RNF213: variants seen among roughly 807,000 people sequenced by gnomAD.
RNF213 encodes ring finger protein 213.
RNF213 carries 341 observed loss-of-function variants against 514.4 expected under a neutral mutation model. The ratio of observed to expected loss-of-function variants is 0.66; its 90% CI spans 0.61 to 0.73. RNF213 has a LOEUF of 0.73. Among genes scored for constraint, RNF213 ranks in the 30% least tolerant of loss-of-function variants. RNF213 has a pLI of 0.00. For synonymous variants in RNF213, 2,655 were observed against 2,658.2 expected (o/e 1.00, Z 0.04); for missense variants, 5,767 against 6,615.6 (o/e 0.87, Z 4.45).
intron 58 of RNF213, 87 bp from the exon 59 acceptor site, chr17:80,383,590 C>T: frequency 7.2e-7 from 1 of 1,395,468 alleles, no homozygotes; most frequent in South Asian, 1.2e-5. Flanking sequence ...AATATGCAGA[C>T]ACCCACTGGT....
In RNF213 at chr17:80,340,062, C is replaced by A; in HGVS notation, c.5695C>A (p.Gln1899Lys). The A allele has an allele frequency of 6.3e-7, 1 of 1,577,206 alleles. No individual in the cohort carries two copies. The highest frequency in any genetic ancestry group is 8.6e-7 in the Non-Finnish European group (1 of 1,165,402). The change falls in exon 26 of 68, where the codon CAG becomes AAG. Residue 1899 changes from glutamine (Q) to lysine (K), a missense_variant. Around this residue, in one of 13 missense-constraint regions of RNF213, gnomAD observed 1,377 missense variants for 1,635.2 expected, o/e 0.84. Transcript: ENST00000582970. ...HKVYSLLFADQLSYEVARQAE... is the reference protein window; with the variant it reads ...HKVYSLLFADKLSYEVARQAE... ...GGTCTACAGCCTGCTGTTCGCAGATCAGCTGAGCTACGAGGTGGCACGCCA... is the reference window on the plus strand; with the variant it reads ...GGTCTACAGCCTGCTGTTCGCAGATAAGCTGAGCTACGAGGTGGCACGCCA...
At position 80,393,573 on chromosome 17, in the gene RNF213, T is replaced by TCATG; in HGVS notation, c.*76_*79dup. ...CTCCTCGTCTGCGGCGTGGACTTGA[T>TCATG]CATGGACTGGTGCCTTTGCATTCAG... is the stretch of plus-strand genomic sequence containing the variant. On this transcript the variant is annotated 3_prime_UTR_variant, in exon 68 of 68. Coordinates refer to ENST00000582970, the MANE Select transcript of RNF213 (RefSeq NM_001256071.3). The TCATG allele has an allele frequency of 6.6e-7, 1 of 1,508,916 alleles. No individual in the cohort carries two copies. Among genetic ancestry groups the TCATG allele is most frequent in the South Asian group, 1.1e-5 (1 of 87,576 alleles). The allele number at this position is 1,508,916 out of a possible 1,614,324, so 93.5% of individuals were successfully genotyped here.
chr17:80,344,074 T>G, intron 28 of RNF213, 59 bp downstream of exon 28: 3 of 1,577,186 alleles, frequency 1.9e-6, no homozygotes, highest in Non-Finnish European at 2.6e-6. Flanking sequence ...TTTCTGGTCT[T>G]ACTGAAGTGG....
chr17:80,293,234 T>A (rs1183807414), intron 8 of RNF213, among the ~76,000 whole-genome samples: 1 of 151,766 alleles, frequency 6.6e-6, no homozygotes, highest in Non-Finnish European at 1.5e-5. Flanking sequence ...ATTTTTCATA[T>A]ATTTTTTTTG....
intron 57 of RNF213, chr17:80,382,008 TGCACGCAAGTGTTCAGTGTG>T: frequency 2.2e-6 from 1 of 448,410 alleles, no homozygotes; most frequent in South Asian, 2.1e-5. Context: ...CGGGAGCGTC[TGCACGCAAGTGTTCAGTGTG>T]CATATATGGG....
At chr17:80,360,429 CT>C in intron 38 of RNF213, 2 of 575,470 alleles carry the variant, frequency 3.5e-6, no homozygotes, top group Non-Finnish European at 6.3e-6. Context: ...CCTTTCGATC[CT>C]ATGGCAGCAG....
intron 23 of RNF213, chr17:80,336,771 G>A (rs954136963): frequency 7.2e-5 from 25 of 348,406 alleles, no homozygotes; most frequent in South Asian, 5.4e-4. Flanking sequence ...AGGCATGGTG[G>A]TGTGCGCCTG....
At chr17:80,289,592 G>GAAA (rs747519394) in intron 5 of RNF213, 67 bp from the exon 6 acceptor site, 19,495 of 1,300,320 alleles carry the variant, frequency 0.015, 20 homozygotes, top group African/African-American at 0.02. Flanking sequence ...CTCTGTCTCA[G>GAAA]AAAAAAAAAA....
At position 80,371,131 on chromosome 17, in the gene RNF213, GAAAA is replaced by G. The variant is rs1050244801; in HGVS notation, c.12426-739_12426-736del. On this transcript the variant is annotated intron_variant, in intron 46 of 67. Transcript: ENST00000582970. ...TCATGAAATCATGTGGGTCAAAAAAGAAAAAAATCTATTTAAAGTATGGGCAGAC... is the reference window on the plus strand; with the variant it reads ...TCATGAAATCATGTGGGTCAAAAAAGAAATCTATTTAAAGTATGGGCAGAC... Among the ~76,000 whole-genome samples the G allele has an allele frequency of 2.0e-5, 3 of 151,992 alleles. No individual in the cohort carries two copies. The South Asian group carries it at 6.2e-4, about 32-fold the overall frequency.
In RNF213 at chr17:80,339,160, G is replaced by A. The variant is rs567359007; in HGVS notation, c.4834-41G>A. The A allele has an allele frequency of 2.2e-4, 311 of 1,439,912 alleles. 1 individual carries two copies. Among genetic ancestry groups the A allele is most frequent in the East Asian group, 7.5e-4 (30 of 40,112 alleles). The allele number at this position is 1,439,912 out of a possible 1,614,324, so 89.2% of individuals were successfully genotyped here. On this transcript the variant is annotated intron_variant, in intron 25 of 67. Transcript: ENST00000582970. ...TTGCAGAGTAGCGTGTTACCCTCTC[G>A]CATGGCTCTGTGAGCCAACCTCATG... is the stretch of plus-strand genomic sequence containing the variant.
chr17:80,345,609 G>A lies in RNF213; in HGVS notation c.7274G>A (p.Gly2425Glu). Reference protein sequence around the residue: ...PVIIMGETGCGKTRLIKFLSD... With the variant: ...PVIIMGETGCEKTRLIKFLSD... ...ATCATCATGGGAGAAACTGGCTGTG[G>A]GAAAACCAGGCTTATTAAATTCCTT... The change falls in exon 29 of 68, where the codon GGG (glycine) becomes GAG (glutamate). Residue 2425 changes from glycine (G) to glutamate (E), a missense_variant. Gly to Glu is a moderately conservative substitution (Grantham distance 98, BLOSUM62 -2). Around this residue, in one of 13 missense-constraint regions of RNF213, gnomAD observed 1,377 missense variants for 1,635.2 expected, o/e 0.84. Transcript: ENST00000582970. The surrounding 1 kb of genome is among the most constrained non-coding windows in gnomAD (Gnocchi z 6.0). 1 of 1,614,056 alleles carries A rather than the reference G, an allele frequency of 6.2e-7. No individual in the cohort carries two copies. The highest frequency in any genetic ancestry group is 8.5e-7 in the Non-Finnish European group (1 of 1,179,944).
In RNF213 at chr17:80,273,329, C is replaced by T. The variant is rs1241432927; in HGVS notation, c.186C>T (p.Cys62=). 6.2e-7 allele frequency: 1 copy of T among 1,613,556 alleles called. No homozygotes were observed. The highest frequency in any genetic ancestry group is 8.5e-7 in the Non-Finnish European group (1 of 1,180,008). The change falls in exon 3 of 68, where the codon TGC becomes TGT. Residue 62 remains cysteine, a synonymous_variant. Transcript: ENST00000582970. ...AGCTGAAGGAGGAAGGGGGCCCGTG[C>T]TTGTTCCCGGGCTCAGACAGTTGGC... ...GQELKEEGGP[C]LFPGSDSWQE...
At chr17:80,265,516 A>T (rs2043583948) in intron 2 of RNF213, among the ~76,000 whole-genome samples, 1 of 152,204 alleles carries the variant, frequency 6.6e-6, no homozygotes. Context: ...TTTATCGAAA[A>T]CCAAGAAATA....
At chr17:80,289,619 A>C in intron 5 of RNF213, 40 bp from the exon 6 acceptor site, 1 of 1,556,542 alleles carries the variant, frequency 6.4e-7, no homozygotes, top group Non-Finnish European at 8.8e-7. Flanking sequence ...GAAAATGTGG[A>C]GGCCGGCCTT....
intron 15 of RNF213, chr17:80,315,787 G>GAGGTACTGGAGGTGA (rs2045911971): frequency 4.9e-5 from 1 of 20,312 alleles, no homozygotes; most frequent in Non-Finnish European, 1.2e-4. Context: ...GGTGGTGGTG[G>GAGGTACTGGAGGTGA]TGGTGGTGGT....
rs1291690161 is a variant in RNF213, at chr17:80,395,039, C to T, written c.*1541C>T. 6.6e-6 allele frequency: 1 copy of T among 152,188 alleles called. No homozygotes were observed. Among genetic ancestry groups the T allele is most frequent in the African/African-American group, 2.4e-5 (1 of 41,444 alleles). 9.4% of individuals were successfully genotyped at this position (152,188 alleles called of 1,614,324 possible). A position where few individuals can be genotyped will look rare whatever the true frequency, so the allele number is the denominator to read the frequency against. ...TCAGGTGGCAGCTCACACCCAGACT[C>T]ACTGGCCACACCTCAGCAGGGGGGG... is the stretch of plus-strand genomic sequence containing the variant. On this transcript the variant is annotated 3_prime_UTR_variant, in exon 68 of 68. Coordinates refer to ENST00000582970, the MANE Select transcript of RNF213 (RefSeq NM_001256071.3).
intron 36 of RNF213, among the ~76,000 whole-genome samples, chr17:80,355,689 TGACC>T (rs2078770698): frequency 3.2e-5 from 1 of 31,232 alleles, no homozygotes; most frequent in Admixed American, 4.9e-4. Context: ...AGAAGCGGGG[TGACC>T]GGGAATGGGG....
intron 2 of RNF213, among the ~76,000 whole-genome samples, chr17:80,271,149 G>A (rs140093141): frequency 1.3e-5 from 2 of 151,794 alleles, no homozygotes; most frequent in African/African-American, 4.8e-5. Context: ...GGCAGGCTCA[G>A]AATCCCTGGT....
chr17:80,292,653 G>A (rs759274197), intron 8 of RNF213, among the ~76,000 whole-genome samples: 2 of 151,702 alleles, frequency 1.3e-5, no homozygotes, highest in African/African-American at 4.8e-5. Flanking sequence ...AGCCCTCTGC[G>A]CCCCTTCATG....
Sources: allele counts gnomAD v4.1 joint callset (sites outside exome capture counted in the v4.1 genomes callset), GRCh38; gene constraint gnomAD v4.1.1; regional missense constraint gnomAD v4.1.1; non-coding constraint Gnocchi (gnomAD v3.1); transcripts MANE v1.5; gene names NCBI Gene and HGNC (gene_info 2026-07-23, HGNC 2026-07-21).